ACSL6: variants seen among roughly 807,000 people sequenced by gnomAD.
ACSL6 encodes acyl-CoA synthetase long chain family member 6.
In ACSL6, 47 loss-of-function variants were observed where a neutral mutation model predicts 98.2. The observed-to-expected ratio is 0.48, with a 90% CI of 0.38 to 0.61. The LOEUF is 0.61. Ranked by LOEUF, ACSL6 falls within the 20% of genes least tolerant of loss-of-function variation. The pLI, the probability that ACSL6 is intolerant of heterozygous loss-of-function variation, is 0.00. For synonymous variants in ACSL6, 362 were observed against 336.9 expected, an observed-to-expected ratio of 1.07 and a Z score of -0.82; for missense variants, 761 against 913.4, an observed-to-expected ratio of 0.83 and a Z score of 2.15.
At chr5:131,993,654 G>C (rs894537725) in intron 2 of ACSL6, 1 of 273,468 alleles carries the variant, frequency 3.7e-6, no homozygotes, top group African/African-American at 2.2e-5. Context: ...CCAGGAGTGG[G>C]CTGAATCCTG....
At chr5:132,002,285 G>A (rs1755129688) in intron 1 of ACSL6, among the ~76,000 whole-genome samples, 1 of 152,208 alleles carries the variant, frequency 6.6e-6, no homozygotes, top group African/African-American at 2.4e-5. Flanking sequence ...GACTGCTGGT[G>A]TCCCGGCCTC....
At position 132,011,655 on chromosome 5, in the gene ACSL6, C is replaced by T; in HGVS notation, c.-102G>A. On this transcript the variant is annotated 5_prime_UTR_variant, in exon 1 of 21. Transcript: ENST00000651883. The surrounding 1 kb of genome is among the most constrained non-coding windows in gnomAD (Gnocchi z 5.4). ...CCAGCAGTAGCCGCGCCGCCGCCGC[C>T]GCTGCCGGGTATTTTTAGCCCCCGC... The T allele has an allele frequency of 5.6e-6, 7 of 1,259,328 alleles. No homozygotes were observed. The highest frequency in any genetic ancestry group is 6.0e-6 in the Non-Finnish European group (6 of 999,842). The allele number at this position is 1,259,328 out of a possible 1,614,324, so 78.0% of individuals were successfully genotyped here.
rs114707408 is a variant in ACSL6 at position 132,008,098 on chromosome 5, C to T, written c.49+3407G>A. On this transcript the variant is annotated intron_variant, in intron 1 of 20. Transcript: ENST00000651883. The stretch of plus-strand genomic sequence containing the variant: ...AGGTGCTGCGGGCAAAATCCTGCTC[C>T]ATGCTGGTGCACCTTGTACAAATTC... Among the ~76,000 whole-genome samples, 532 of 152,308 alleles carry T rather than the reference C, an allele frequency of 3.5e-3. 5 individuals carry two copies. The highest frequency in any genetic ancestry group is 0.012 in the African/African-American group (503 of 41,560).
chr5:131,970,182 G>C lies in ACSL6; in HGVS notation c.1453C>G (p.Gln485Glu). 6.2e-7 allele frequency: 1 copy of C among 1,614,026 alleles called. No individual in the cohort carries two copies. Among genetic ancestry groups the C allele is most frequent in the Non-Finnish European group, 8.5e-7 (1 of 1,180,022 alleles). The change falls in exon 15 of 21, where the codon CAA (glutamine) becomes GAA (glutamate). Residue 485 changes from glutamine (Q) to glutamate (E), a missense_variant. Coordinates refer to ENST00000651883, the MANE Select transcript of ACSL6 (RefSeq NM_001009185.3). ...GTACATCCAGCTGTGCACTCAGTTT[G>C]GCCATAACCTTCATAAACCTTCAAA... ...LGCQVYEGYG[Q>E]TECTAGCTFT... is the part of the protein sequence containing the mutation.
At chr5:131,964,670 C>A (rs1287696084) in intron 17 of ACSL6, among the ~76,000 whole-genome samples, 2 of 152,190 alleles carry the variant, frequency 1.3e-5, no homozygotes, top group Non-Finnish European at 2.9e-5. Flanking sequence ...TTGGAAGGGG[C>A]TGATGCAAGT....
At chr5:131,975,141 TGAGA>T in intron 10 of ACSL6, 171 bp from the exon 11 acceptor site, 1 of 1,333,628 alleles carries the variant, frequency 7.5e-7, no homozygotes, top group African/African-American at 1.6e-5. Flanking sequence ...AGAGAAGAAA[TGAGA>T]GAGAGAGGGA....
intron 9 of ACSL6, chr5:131,984,159 T>C: frequency 6.6e-6 from 1 of 152,272 alleles, no homozygotes; most frequent in Admixed American, 6.5e-5. Flanking sequence ...GCTGTGTTGT[T>C]ATTTTTCTGA....
chr5:131,988,788 G>T lies in ACSL6; in HGVS notation c.652+17C>A. ...GGACCAGTTGCCAGTGGCAGGGTGG[G>T]GTGGCAGTGGGCTTACCTGTATTGA... On this transcript the variant is annotated intron_variant, in intron 6 of 20. Coordinates refer to ENST00000651883, the MANE Select transcript of ACSL6 (RefSeq NM_001009185.3). 1 of 1,612,132 alleles carries T rather than the reference G, an allele frequency of 6.2e-7. No individual in the cohort carries two copies. Among genetic ancestry groups the T allele is most frequent in the African/African-American group, 1.3e-5 (1 of 75,000 alleles).
intron 2 of ACSL6, chr5:131,993,758 C>T (rs1754647060): frequency 2.2e-6 from 1 of 456,712 alleles, no homozygotes; most frequent in Non-Finnish European, 4.0e-6. Flanking sequence ...ACCAATGAGC[C>T]AAGGCCCTCC....
intron 3 of ACSL6, among the ~76,000 whole-genome samples, chr5:131,990,412 C>T (rs1754441536): frequency 6.6e-6 from 1 of 152,200 alleles, no homozygotes; most frequent in Non-Finnish European, 1.5e-5. Flanking sequence ...AGTGCCTAGT[C>T]CCCATCATAA....
chr5:131,964,873 A>G (rs1752926123), intron 17 of ACSL6, among the ~76,000 whole-genome samples: 1 of 151,988 alleles, frequency 6.6e-6, no homozygotes, highest in Non-Finnish European at 1.5e-5. Flanking sequence ...TCCCAATCCC[A>G]CCTTTGGAAC....
At chr5:132,007,303 C>T (rs2126967564) in intron 1 of ACSL6, among the ~76,000 whole-genome samples, 1 of 152,352 alleles carries the variant, frequency 6.6e-6, no homozygotes, top group African/African-American at 2.4e-5. Flanking sequence ...ACCTCACTGG[C>T]CCAGCAGAAT....
At chr5:131,978,147 T>G (rs1047619461) in intron 9 of ACSL6, among the ~76,000 whole-genome samples, 2 of 152,206 alleles carry the variant, frequency 1.3e-5, no homozygotes, top group African/African-American at 4.8e-5. Context: ...AGAAGGAACA[T>G]CAGTCTTAGA....
At position 131,976,632 on chromosome 5, in the gene ACSL6, A is replaced by T. The variant is rs1283682828; in HGVS notation, c.990+16T>A. 19 of 1,609,550 alleles carry T rather than the reference A, an allele frequency of 1.2e-5. No homozygotes were observed. In the Admixed American group the frequency reaches 3.2e-4, roughly 27 times the overall value. ...TCCTCAAGAGACACCTGCAACAGTA[A>T]TGCTACTTTATTCACCTCTGTCACT... On this transcript the variant is annotated intron_variant, in intron 10 of 20. Coordinates refer to ENST00000651883, the MANE Select transcript of ACSL6 (RefSeq NM_001009185.3).
At chr5:131,974,635 C>T in intron 11 of ACSL6, 1 of 1,123,768 alleles carries the variant, frequency 8.9e-7, no homozygotes, top group Non-Finnish European at 1.3e-6. Context: ...GCCCTCTGAC[C>T]CCTATGGTAC....
At chr5:132,003,407 C>T (rs1371457081) in intron 1 of ACSL6, among the ~76,000 whole-genome samples, 2 of 152,200 alleles carry the variant, frequency 1.3e-5, no homozygotes, top group South Asian at 2.1e-4. Flanking sequence ...TAGACTGGAG[C>T]GGCCCAGCCC....
At chr5:131,989,229 G>C (rs1754371273) in intron 5 of ACSL6, among the ~76,000 whole-genome samples, 178 bp downstream of exon 5, 1 of 152,168 alleles carries the variant, frequency 6.6e-6, no homozygotes, top group African/African-American at 2.4e-5. Context: ...AGCATGGCTG[G>C]GGTGGCCAGT....
rs76664555 is a variant in ACSL6, at chr5:131,992,736, A to G, written c.270+1295T>C. On this transcript the variant is annotated intron_variant, in intron 2 of 20. Transcript: ENST00000651883. ...AAACTGGCCATGTCTCTCCCTACTG[A>G]AAATCTCAAATAGCTCCACGCTGTT... Among the ~76,000 whole-genome samples, 777 of 152,158 alleles carry G rather than the reference A, an allele frequency of 5.1e-3. 8 individuals carry two copies. The highest frequency in any genetic ancestry group is 0.016 in the African/African-American group (663 of 41,532).
intron 20 of ACSL6, among the ~76,000 whole-genome samples, chr5:131,955,644 G>A (rs1189334779): frequency 2.6e-5 from 4 of 152,076 alleles, no homozygotes; most frequent in African/African-American, 7.2e-5. Flanking sequence ...TAGAAGCTCT[G>A]GCTCAAGCCC....
Sources: gnomAD v4.1 joint callset for allele counts (sites outside exome capture counted in the v4.1 genomes callset) on GRCh38, gnomAD v4.1.1 for gene constraint, Gnocchi (gnomAD v3.1) non-coding constraint, MANE v1.5 for transcripts, NCBI Gene and HGNC (gene_info 2026-07-23, HGNC 2026-07-21) for gene names.